ELAPOR2: variants seen among roughly 807,000 people sequenced by gnomAD.
ELAPOR2 encodes endosome-lysosome associated apoptosis and autophagy regulator family member 2, also known as endosome/lysosome-associated apoptosis and autophagy regulator family member 2.
In ELAPOR2, 89 loss-of-function variants were observed where a neutral mutation model predicts 120.7. The ratio of observed to expected loss-of-function variants is 0.74; its 90% CI spans 0.62 to 0.88. ELAPOR2 has a LOEUF of 0.88. Ranked by LOEUF, ELAPOR2 falls within the 40% of genes least tolerant of loss-of-function variation. The probability of loss-of-function intolerance (pLI) is 0.00; values close to 1 mark genes in which losing one functional copy is unlikely to be tolerated. For synonymous variants in ELAPOR2, 444 were observed against 444.9 expected (o/e 1.00, Z 0.03); for missense variants, 1,134 against 1,251.6 (o/e 0.91, Z 1.42).
At chr7:86,941,263 C>A (rs1024772718) in intron 5 of ELAPOR2, 3 of 511,004 alleles carry the variant, frequency 5.9e-6, no homozygotes, top group Non-Finnish European at 8.0e-6. Context: ...AGAAACACAA[C>A]TATAAACCGG....
In ELAPOR2 at chr7:86,914,708, G is replaced by A. The variant is rs779650959; in HGVS notation, c.1731+15C>T. 10 of 1,589,466 alleles carry A rather than the reference G, an allele frequency of 6.3e-6. No individual in the cohort carries two copies. The highest frequency in any genetic ancestry group is 7.7e-6 in the Non-Finnish European group (9 of 1,171,112). On this transcript the variant is annotated intron_variant, in intron 13 of 21. Transcript: ENST00000450689. ...AGTGTGTTTAAAATTTTAAAAAAAA[G>A]TGCTTGGAACTTACATCTTGACCCT...
intron 8 of ELAPOR2, among the ~76,000 whole-genome samples, chr7:86,931,462 G>GA (rs1258524909): frequency 2.6e-5 from 4 of 151,734 alleles, no homozygotes; most frequent in Non-Finnish European, 2.9e-5. Context: ...CCTTCTACCT[G>GA]AAAAAAATAT....
intron 1 of ELAPOR2, among the ~76,000 whole-genome samples, chr7:87,014,553 CT>C (rs1188722034): frequency 6.6e-6 from 1 of 152,162 alleles, no homozygotes; most frequent in Non-Finnish European, 1.5e-5. Context: ...ACCACATCCA[CT>C]CTATCAATAA....
intron 1 of ELAPOR2, among the ~76,000 whole-genome samples, chr7:86,989,730 A>G (rs1323582516): frequency 6.6e-6 from 1 of 152,190 alleles, no homozygotes; most frequent in African/African-American, 2.4e-5. Flanking sequence ...TGTTCTTTAA[A>G]TTGAAATCTT....
At chr7:86,995,920 T>C (rs1300386108) in intron 1 of ELAPOR2, among the ~76,000 whole-genome samples, 1 of 152,224 alleles carries the variant, frequency 6.6e-6, no homozygotes, top group African/African-American at 2.4e-5. Context: ...ATTTCACAAT[T>C]CTATAAGATA....
chr7:86,908,323 AT>A (rs1272020182), intron 17 of ELAPOR2, 123 bp downstream of exon 17: 3 of 579,220 alleles, frequency 5.2e-6, no homozygotes, highest in Non-Finnish European at 9.0e-6. Context: ...CTTCTCTGCC[AT>A]AAGAACTCAC....
In ELAPOR2 at chr7:86,912,213, GA is replaced by G; in HGVS notation, c.2027del (p.Phe676SerfsTer23). 1 of 1,606,236 alleles carries G rather than the reference GA, an allele frequency of 6.2e-7. No homozygotes were observed. Among genetic ancestry groups the G allele is most frequent in the Non-Finnish European group, 8.5e-7 (1 of 1,173,728 alleles). On this transcript the variant is annotated frameshift_variant, in exon 15 of 22. Transcript: ENST00000450689. LOFTEE classifies it high-confidence loss of function. ...DHSVCYSDCFFYHEKENQSLH... is the reference protein window; with the variant it reads ...DHSVCYSDCFXYHEKENQSLH... ...AACTCTGATTTTCTTTTTCATGGTA[GA>G]AAAAGCAGTCACTATAGCAAACCGA...
chr7:86,905,398 G>A (rs987445942), intron 18 of ELAPOR2, among the ~76,000 whole-genome samples: 19 of 151,514 alleles, frequency 1.3e-4, no homozygotes, highest in African/African-American at 4.1e-4. Flanking sequence ...TCTGATCTCC[G>A]AGCTCCCCCT....
chr7:87,019,260 C>T (rs1793965894), intron 1 of ELAPOR2, among the ~76,000 whole-genome samples: 1 of 152,140 alleles, frequency 6.6e-6, no homozygotes, highest in Non-Finnish European at 1.5e-5. Flanking sequence ...ACCTCCCAGG[C>T]TTAAGCCATC....
At chr7:86,974,338 C>T (rs1792201812) in intron 1 of ELAPOR2, among the ~76,000 whole-genome samples, 1 of 152,082 alleles carries the variant, frequency 6.6e-6, no homozygotes, top group Non-Finnish European at 1.5e-5. Context: ...CTCAATTCCA[C>T]TTCTAGGCAT....
chr7:86,959,585 G>A (rs570507360), intron 2 of ELAPOR2, among the ~76,000 whole-genome samples: 45 of 152,156 alleles, frequency 3.0e-4, no homozygotes, highest in Admixed American at 1.3e-4. Flanking sequence ...ATGATCATGT[G>A]GCTTTTGTCT....
chr7:87,002,937 T>TGCAG (rs2116636938), intron 1 of ELAPOR2, among the ~76,000 whole-genome samples: 1 of 152,230 alleles, frequency 6.6e-6, no homozygotes, highest in Admixed American at 6.5e-5. Context: ...AGACATTCCC[T>TGCAG]GGCTTTAGGG....
intron 1 of ELAPOR2, among the ~76,000 whole-genome samples, chr7:86,982,714 C>A (rs1792551285): frequency 6.6e-6 from 1 of 152,174 alleles, no homozygotes; most frequent in African/African-American, 2.4e-5. Context: ...GTAGATAAAA[C>A]CACAAAGATG....
intron 1 of ELAPOR2, among the ~76,000 whole-genome samples, chr7:87,022,064 C>A (rs1470722730): frequency 3.9e-5 from 6 of 151,926 alleles, no homozygotes; most frequent in African/African-American, 1.5e-4. Flanking sequence ...ATAAACTAAA[C>A]TAAAATTTAT....
At position 86,989,014 on chromosome 7, in the gene ELAPOR2, T is replaced by C. The variant is rs139638410; in HGVS notation, c.190-23990A>G. 4.7e-3 allele frequency among the ~76,000 whole-genome samples: 712 copies of C among 152,288 alleles called. 5 individuals are homozygous for C. The highest frequency in any genetic ancestry group is 0.012 in the African/African-American group (519 of 41,540). On this transcript the variant is annotated intron_variant, in intron 1 of 21. Transcript: ENST00000450689. ...CAGATAGAAACTGACCCAACCTAACTTAGAGTATTATAAAACCATAAGTAA... is the reference window on the plus strand; with the variant it reads ...CAGATAGAAACTGACCCAACCTAACCTAGAGTATTATAAAACCATAAGTAA...
intron 2 of ELAPOR2, 65 bp from the exon 3 acceptor site, chr7:86,947,987 G>A: frequency 1.8e-6 from 2 of 1,093,394 alleles, no homozygotes; most frequent in Non-Finnish European, 2.6e-6. Flanking sequence ...CCTTCATGCT[G>A]TCACCAGAAT....
intron 8 of ELAPOR2, among the ~76,000 whole-genome samples, chr7:86,929,868 C>T (rs1199072492): frequency 1.3e-5 from 2 of 151,856 alleles, no homozygotes; most frequent in Non-Finnish European, 2.9e-5. Flanking sequence ...GCACCTCCCC[C>T]TTCTCTCTCT....
intron 1 of ELAPOR2, among the ~76,000 whole-genome samples, chr7:86,993,279 A>G (rs979597819): frequency 1.3e-5 from 2 of 151,688 alleles, no homozygotes; most frequent in Admixed American, 1.3e-4. Flanking sequence ...AAAGAAAAAG[A>G]AAAAAGAAAA....
chr7:86,940,011 T>C lies in ELAPOR2; in HGVS notation c.846A>G (p.Glu282=). 1 of 1,588,870 alleles carries C rather than the reference T, an allele frequency of 6.3e-7. No homozygotes were observed. Among genetic ancestry groups the C allele is most frequent in the Non-Finnish European group, 8.6e-7 (1 of 1,159,456 alleles). Residue 282 remains glutamate, a splice_region_variant and synonymous_variant, in exon 6 of 22, where the codon GAA becomes GAG. Transcript: ENST00000450689. ...CTAAAACAGAATGCCATGAAATACC[T>C]TCAATTGTGATATTTTTTACCAGCA... ...KPVLVKNITI[E]GVAYTSECFP... is the part of the protein sequence containing the mutation.
Sources: gnomAD v4.1 joint callset for allele counts (sites outside exome capture counted in the v4.1 genomes callset) on GRCh38, gnomAD v4.1.1 for gene constraint, MANE v1.5 for transcripts, NCBI Gene and HGNC (gene_info 2026-07-23, HGNC 2026-07-21) for gene names.